Variants in DHRSX observed in about 807,000 individuals in gnomAD.
DHRSX encodes dehydrogenase/reductase X-linked, also known as polyprenol dehydrogenase.
In DHRSX, 31 loss-of-function variants were observed where a neutral mutation model predicts 34.0. The observed-to-expected ratio is 0.91, with a 90% CI of 0.69 to 1.23. DHRSX has a LOEUF of 1.23. Ranked by LOEUF, DHRSX falls within the 50% of genes most tolerant of loss-of-function variation. DHRSX has a pLI of 0.00. For synonymous variants in DHRSX, 201 were observed against 183.8 expected (o/e 1.09, Z -0.76); for missense variants, 414 against 428.1 (o/e 0.97, Z 0.29).
In DHRSX at chrX:2,396,767, T is replaced by TTG. The variant is rs1167555030; in HGVS notation, c.286+11977_286+11978insCA. 7.0e-3 allele frequency among the ~76,000 whole-genome samples: 263 copies of TTG among 37,366 alleles called. 2 individuals are homozygous for TTG. The highest frequency in any genetic ancestry group is 0.053 in the Middle Eastern group (4 of 76). The allele number at this position is 37,366 out of a possible 152,430, so 24.5% of individuals were successfully genotyped here. A position where few individuals can be genotyped will look rare whatever the true frequency, so the allele number is the denominator to read the frequency against. ...CACATGGCCTTATCTGTGTCTCCCT[T>TTG]TTTTTTTTTTTTTTGAGATGGAGTT... is the stretch of plus-strand genomic sequence containing the variant. On this transcript the variant is annotated intron_variant, in intron 3 of 6. Coordinates refer to ENST00000334651, the MANE Select transcript of DHRSX (RefSeq NM_145177.3).
chrX:2,344,447 C>T (rs1428532090), intron 3 of DHRSX, among the ~76,000 whole-genome samples: 1 of 151,926 alleles, frequency 6.6e-6, no homozygotes, highest in East Asian at 1.9e-4. Context: ...GGCGATTCCT[C>T]AAGAATCCAG....
At chrX:2,239,662 G>A (rs112671897) in intron 6 of DHRSX, among the ~76,000 whole-genome samples, 4,176 of 152,070 alleles carry the variant, frequency 0.027, 215 homozygotes, top group African/African-American at 0.095. Context: ...CCATTTACTC[G>A]GGAGGCTGAG....
chrX:2,434,402 C>T (rs2043967522), intron 1 of DHRSX, among the ~76,000 whole-genome samples: 1 of 152,150 alleles, frequency 6.6e-6, no homozygotes, highest in South Asian at 2.1e-4. Flanking sequence ...GGCCTGGTAG[C>T]TTATGCCTGT....
chrX:2,448,394 A>T (rs28639557), intron 1 of DHRSX, among the ~76,000 whole-genome samples: 95,382 of 151,756 alleles, frequency 0.63, 31,590 homozygotes, highest in African/African-American at 0.85. Context: ...AAATTCAAAG[A>T]TCTATCACAC....
intron 5 of DHRSX, among the ~76,000 whole-genome samples, chrX:2,260,877 C>T (rs1026919153): frequency 2.0e-5 from 3 of 152,104 alleles, no homozygotes; most frequent in Non-Finnish European, 4.4e-5. Flanking sequence ...CTCAATTATA[C>T]ATATTTGGAG....
chrX:2,479,291 G>A (rs1369791874), intron 1 of DHRSX, among the ~76,000 whole-genome samples: 1 of 149,430 alleles, frequency 6.7e-6, no homozygotes, highest in East Asian at 2.0e-4. Flanking sequence ...CTAAGCATGT[G>A]GCCCAAGGGA....
At chrX:2,305,852 C>T (rs1033249988) in intron 3 of DHRSX, among the ~76,000 whole-genome samples, 1 of 117,604 alleles carries the variant, frequency 8.5e-6, no homozygotes, top group African/African-American at 3.2e-5. Context: ...GGGTGGGGGG[C>T]AAGGGGAGAG....
chrX:2,336,022 T>C (rs1219472364), intron 3 of DHRSX, among the ~76,000 whole-genome samples: 1 of 151,998 alleles, frequency 6.6e-6, no homozygotes, highest in Non-Finnish European at 1.5e-5. Context: ...TGTTTTTTTG[T>C]TGTCGTTGAG....
chrX:2,292,403 G>A (rs1321849257), intron 3 of DHRSX, among the ~76,000 whole-genome samples: 3 of 152,156 alleles, frequency 2.0e-5, no homozygotes, highest in Non-Finnish European at 2.9e-5. Flanking sequence ...GTGAGACCCC[G>A]AAGAGAGAAT....
chrX:2,241,714 G>C (rs1412315556), intron 6 of DHRSX, among the ~76,000 whole-genome samples: 1 of 152,108 alleles, frequency 6.6e-6, no homozygotes, highest in African/African-American at 2.4e-5. Flanking sequence ...TTCGTGACCA[G>C]CCTGGTCAGC....
At chrX:2,325,292 C>G (rs755651637) in intron 3 of DHRSX, among the ~76,000 whole-genome samples, 12 of 152,048 alleles carry the variant, frequency 7.9e-5, no homozygotes, top group Admixed American at 6.6e-4. Flanking sequence ...CGGGCAGGAA[C>G]TAGGGACTAG....
intron 1 of DHRSX, among the ~76,000 whole-genome samples, chrX:2,473,621 A>C: frequency 1.5e-5 from 2 of 134,412 alleles, no homozygotes; most frequent in African/African-American, 3.2e-5. Flanking sequence ...ACAGAGCAAG[A>C]CTCCGTCTCA....
intron 5 of DHRSX, among the ~76,000 whole-genome samples, chrX:2,256,854 TC>T (rs66663320): frequency 0.58 from 87,698 of 151,932 alleles, 27,467 homozygotes; most frequent in Non-Finnish European, 0.74. Context: ...GCATCAGAAT[TC>T]CCCCAAAGAC....
At position 2,425,093 on chromosome X, in the gene DHRSX, T is replaced by C. The variant is rs765117942; in HGVS notation, c.217+104A>G. Reference sequence around the variant, plus strand: ...AGGTGGAGGCTGCAGTGAGCCAAGATTGCACCACTGCAGTCCAGCACGGGT... The same window carrying C: ...AGGTGGAGGCTGCAGTGAGCCAAGACTGCACCACTGCAGTCCAGCACGGGT... On this transcript the variant is annotated intron_variant, in intron 2 of 6. Transcript: ENST00000334651. The C allele has an allele frequency of 4.3e-4, 368 of 846,944 alleles. 2 individuals carry two copies. In the African/African-American group the frequency reaches 5.6e-3, roughly 13 times the overall value. The allele number at this position is 846,944 out of a possible 1,614,324, so 52.5% of individuals were successfully genotyped here.
At chrX:2,283,905 TG>T (rs2041766841) in intron 4 of DHRSX, among the ~76,000 whole-genome samples, 2 of 32,342 alleles carry the variant, frequency 6.2e-5, no homozygotes, top group South Asian at 1.3e-3. Flanking sequence ...TTCATTCCTT[TG>T]AATTCACTCA....
At chrX:2,321,055 G>A (rs1282152877) in intron 3 of DHRSX, among the ~76,000 whole-genome samples, 1 of 152,126 alleles carries the variant, frequency 6.6e-6, no homozygotes, top group Non-Finnish European at 1.5e-5. Flanking sequence ...CCGAACACTG[G>A]CTCTGAAAAC....
chrX:2,490,569 T>C (rs762230215), intron 1 of DHRSX: 18 of 1,613,852 alleles, frequency 1.1e-5, no homozygotes, highest in Non-Finnish European at 1.4e-5. Flanking sequence ...ATCTGGGCCA[T>C]GCAGATGCGG....
At chrX:2,294,123 G>C (rs2124494194) in intron 3 of DHRSX, among the ~76,000 whole-genome samples, 1 of 151,614 alleles carries the variant, frequency 6.6e-6, no homozygotes, top group South Asian at 2.1e-4. Flanking sequence ...GGAGGGGGAG[G>C]AAAAGGGGAA....
chrX:2,443,708 A>T (rs1389195820), intron 1 of DHRSX, among the ~76,000 whole-genome samples: 1 of 151,922 alleles, frequency 6.6e-6, no homozygotes, highest in Non-Finnish European at 1.5e-5. Flanking sequence ...ATGAGATGGT[A>T]AAAAAAAGAG....
Sources: gnomAD v4.1 joint callset for allele counts (sites outside exome capture counted in the v4.1 genomes callset) on GRCh38, gnomAD v4.1.1 for gene constraint, MANE v1.5 for transcripts, NCBI Gene and HGNC (gene_info 2026-07-23, HGNC 2026-07-21) for gene names.